SERF2: variants seen among roughly 807,000 people sequenced by gnomAD.
SERF2 encodes gastric cancer-related protein VRG107.
A neutral mutation model predicts 10.7 loss-of-function variants in SERF2; 4 were observed. That is an observed-to-expected ratio of 0.37 (90% CI 0.18 to 0.86). The LOEUF (loss-of-function observed/expected upper bound fraction) is 0.86, where lower values mean the gene tolerates loss of function less well. SERF2 is among the 40% of genes least tolerant of loss of function. The pLI is 0.43. For missense variants in SERF2, 47 were observed against 79.1 expected (o/e 0.59, Z 1.54); for synonymous variants, 26 against 26.0 (o/e 1.00, Z 0.01).
chr15:43,792,192 A>T (rs1474577029), upstream of SERF2: 1 of 596,138 alleles, frequency 1.7e-6, no homozygotes, highest in Non-Finnish European at 3.0e-6. Context: ...CCACTTACCC[A>T]CCCCGGCTCA....
At chr15:43,793,125 G>T in intron 2 of SERF2, 42 bp downstream of exon 2, 1 of 1,316,008 alleles carries the variant, frequency 7.6e-7, no homozygotes, top group Non-Finnish European at 1.1e-6. Flanking sequence ...TGGAGACCTG[G>T]GTTAGACCAA....
At chr15:43,792,641 G>A (rs1368700050) in intron 1 of SERF2, 1 of 1,402,222 alleles carries the variant, frequency 7.1e-7, no homozygotes, top group African/African-American at 1.4e-5. Context: ...CCCTGTGATA[G>A]GCCCAGAGCC....
intron 1 of SERF2, among the ~76,000 whole-genome samples, chr15:43,778,355 C>T (rs1419312566): frequency 6.6e-6 from 1 of 151,804 alleles, no homozygotes; most frequent in Non-Finnish European, 1.5e-5. Context: ...ATATCCTAAT[C>T]TGATAAACAG....
At chr15:43,783,466 T>A (rs928120879) in intron 1 of SERF2, among the ~76,000 whole-genome samples, 1 of 151,238 alleles carries the variant, frequency 6.6e-6, no homozygotes, top group African/African-American at 2.4e-5. Flanking sequence ...CCTGGCTAAT[T>A]TTTGTATATT....
At chr15:43,785,452 G>A (rs571515517) in exon 2 of SERF2, 6 of 151,858 alleles carry the variant, frequency 4.0e-5, no homozygotes, top group Admixed American at 1.3e-4. Context: ...GTACGGTGGC[G>A]AGATCACGAC....
At chr15:43,789,112 G>A (rs191150924), upstream of SERF2, among the ~76,000 whole-genome samples, 154 of 150,552 alleles carry the variant, frequency 1.0e-3, no homozygotes, top group African/African-American at 3.6e-3. Flanking sequence ...TGGCGCCACT[G>A]CACTCCAGCC....
intron 1 of SERF2, among the ~76,000 whole-genome samples, chr15:43,778,526 G>C (rs2086939952): frequency 8.1e-6 from 1 of 123,166 alleles, no homozygotes; most frequent in Admixed American, 1.1e-4. Flanking sequence ...GCAACAGAGA[G>C]AGACCCTGTC....
chr15:43,792,693 C>T (rs972205531), intron 1 of SERF2: 4 of 1,142,510 alleles, frequency 3.5e-6, no homozygotes, highest in East Asian at 2.7e-5. Flanking sequence ...AGACCCAAAC[C>T]GTCCACACAC....
At chr15:43,792,551 C>G in intron 1 of SERF2, 168 bp downstream of exon 1, 1 of 1,494,584 alleles carries the variant, frequency 6.7e-7, no homozygotes, top group South Asian at 1.3e-5. Flanking sequence ...CCTTTGCCCA[C>G]GGCTACTTCA....
chr15:43,795,597 T>TC lies in SERF2; in HGVS notation c.*1829dup. The TC allele has an allele frequency of 6.2e-7, 1 of 1,611,220 alleles. No individual in the cohort carries two copies. Among genetic ancestry groups the TC allele is most frequent in the Non-Finnish European group, 8.5e-7 (1 of 1,177,670 alleles). ...AGCTGCTGAAACACCTCTTCCCCTC[T>TC]CCCCCAACTACCTTTGTTAAGGCTC... On this transcript the variant is annotated 3_prime_UTR_variant, in exon 3 of 3. Coordinates refer to ENST00000249786, the MANE Select transcript of SERF2 (RefSeq NM_001018108.4).
chr15:43,795,920 C>G lies in SERF2; in HGVS notation c.*2147C>G. The G allele has an allele frequency of 1.5e-6, 1 of 659,222 alleles. No individual in the cohort carries two copies. The highest frequency in any genetic ancestry group is 2.6e-6 in the Non-Finnish European group (1 of 385,552). 40.8% of individuals were successfully genotyped at this position (659,222 alleles called of 1,614,324 possible). A position where few individuals can be genotyped will look rare whatever the true frequency, so the allele number is the denominator to read the frequency against. On this transcript the variant is annotated 3_prime_UTR_variant, in exon 3 of 3. Coordinates refer to ENST00000249786, the MANE Select transcript of SERF2 (RefSeq NM_001018108.4). ...GTAAGATGTTTAATCTTTTGTGCCT[C>G]GATTTCTCCATTTGTAAAATGGAGC...
Position 43,793,944 on chromosome 15 carries a change from C to G in SERF2, c.*171C>G. The G allele has an allele frequency of 6.4e-7, 1 of 1,553,376 alleles. No individual in the cohort carries two copies. The highest frequency in any genetic ancestry group is 8.7e-7 in the Non-Finnish European group (1 of 1,148,590). The stretch of plus-strand genomic sequence containing the variant: ...GTGCTTCCTTCCCCTCAGGTAGCCT[C>G]TCTCCCCCTGGGCCACTCCCGGGGG... On this transcript the variant is annotated 3_prime_UTR_variant, in exon 3 of 3. Coordinates refer to ENST00000249786, the MANE Select transcript of SERF2 (RefSeq NM_001018108.4).
Position 43,793,850 on chromosome 15 carries a change from C to A in SERF2, c.*77C>A, listed in dbSNP as rs764583848. The A allele has an allele frequency of 1.9e-6, 3 of 1,613,696 alleles. No homozygotes were observed. The highest frequency in any genetic ancestry group is 2.5e-6 in the Non-Finnish European group (3 of 1,179,802). On this transcript the variant is annotated 3_prime_UTR_variant, in exon 3 of 3. Transcript: ENST00000249786. ...CAGTCCCACCACGCTCGCGTTTCCT[C>A]CTGTAGTGCTCACAGGTCCCAGCAC...
chr15:43,780,788 T>G (rs1233947115), intron 1 of SERF2, among the ~76,000 whole-genome samples: 1 of 152,188 alleles, frequency 6.6e-6, no homozygotes, highest in Non-Finnish European at 1.5e-5. Flanking sequence ...TAATGCCTTT[T>G]CTGTCTTAAT....
chr15:43,782,063 A>G (rs951059191), intron 1 of SERF2, among the ~76,000 whole-genome samples: 2 of 151,466 alleles, frequency 1.3e-5, no homozygotes, highest in Admixed American at 1.3e-4. Flanking sequence ...TAATTTTTGT[A>G]TTTTTAGTAG....
chr15:43,795,821 T>G lies in SERF2; in HGVS notation c.*2048T>G. 1 of 1,441,010 alleles carries G rather than the reference T, an allele frequency of 6.9e-7. No homozygotes were observed. The highest frequency in any genetic ancestry group is 9.5e-7 in the Non-Finnish European group (1 of 1,053,466). 89.3% of individuals were successfully genotyped at this position (1,441,010 alleles called of 1,614,324 possible). On this transcript the variant is annotated 3_prime_UTR_variant, in exon 3 of 3. Coordinates refer to ENST00000249786, the MANE Select transcript of SERF2 (RefSeq NM_001018108.4). Reference sequence around the variant, plus strand: ...GAAACTTCCCCCGTGAAAAGATTGGTCTAGTATTAAAAAGTGGAGGCACAC... The same window carrying G: ...GAAACTTCCCCCGTGAAAAGATTGGGCTAGTATTAAAAAGTGGAGGCACAC...
chr15:43,786,140 ACACAGCGGCTCACG>A (rs2087004776), intron 2 of SERF2, among the ~76,000 whole-genome samples: 1 of 151,808 alleles, frequency 6.6e-6, no homozygotes, highest in African/African-American at 2.4e-5. Context: ...TGAAGGCCAG[ACACAGCGGCTCACG>A]CCTGTAATCC....
chr15:43,792,343 G>GT lies in SERF2; in HGVS notation c.-33dup, dbSNP rs1232126503. 1 of 1,552,870 alleles carries GT rather than the reference G, an allele frequency of 6.4e-7. No homozygotes were observed. The highest frequency in any genetic ancestry group is 1.4e-5 in the African/African-American group (1 of 73,604). On this transcript the variant is annotated 5_prime_UTR_variant, in exon 1 of 3. Transcript: ENST00000249786. ...GCAACGTCCGACAGAACGAGGGGAC[G>GT]TAACGGAGGCAGGTTGGAGCCGCTG...
At position 43,795,698 on chromosome 15, in the gene SERF2, C is replaced by T; in HGVS notation, c.*1925C>T. ...TCACTTGGCACTCACCTTTGTCTGC[C>T]TCCACTGTTTCAGGGCAGCAGAAAC... On this transcript the variant is annotated 3_prime_UTR_variant, in exon 3 of 3. Transcript: ENST00000249786. The T allele has an allele frequency of 1.9e-6, 3 of 1,614,092 alleles. No homozygotes were observed. The highest frequency in any genetic ancestry group is 2.5e-6 in the Non-Finnish European group (3 of 1,179,984).
Sources: allele counts gnomAD v4.1 joint callset (sites outside exome capture counted in the v4.1 genomes callset), GRCh38; gene constraint gnomAD v4.1.1; transcripts MANE v1.5; gene names NCBI Gene and HGNC (gene_info 2026-07-23, HGNC 2026-07-21).